The following PPP2R2B variants were observed in gnomAD, a reference collection of about 807,000 sequenced individuals.
PPP2R2B encodes the protein serine/threonine-protein phosphatase 2A 55 kDa regulatory subunit B beta isoform.
Under a neutral mutation model 46.0 loss-of-function variants are expected in PPP2R2B, and 5 were observed. The observed-to-expected ratio is 0.11, with a 90% CI of 0.06 to 0.23. PPP2R2B has a LOEUF of 0.23. Ranked by LOEUF, PPP2R2B falls within the 10% of genes least tolerant of loss-of-function variation. PPP2R2B has a pLI of 1.00. For synonymous variants in PPP2R2B, 215 were observed against 206.7 expected (o/e 1.04, Z -0.34); for missense variants, 367 against 575.0 (o/e 0.64, Z 3.70).
intron 1 of PPP2R2B, among the ~76,000 whole-genome samples, chr5:146,904,641 G>A (rs180939888): frequency 6.6e-6 from 1 of 152,308 alleles, no homozygotes; most frequent in East Asian, 1.9e-4. Flanking sequence ...ACTGGCTGAA[G>A]ACATCTGCTT....
intron 6 of PPP2R2B, among the ~76,000 whole-genome samples, chr5:146,650,109 G>A (rs1292179739): frequency 6.6e-6 from 1 of 152,100 alleles, no homozygotes; most frequent in African/African-American, 2.4e-5. Context: ...CATTGCAAGT[G>A]CTTGGAACTC....
chr5:146,627,829 CT>C (rs1196296208), intron 7 of PPP2R2B, among the ~76,000 whole-genome samples: 1 of 152,164 alleles, frequency 6.6e-6, no homozygotes, highest in Non-Finnish European at 1.5e-5. Context: ...CTACACCCAC[CT>C]TTGGAGGACA....
At chr5:146,839,135 C>T (rs1218010646) in intron 2 of PPP2R2B, among the ~76,000 whole-genome samples, 1 of 152,148 alleles carries the variant, frequency 6.6e-6, no homozygotes, top group Admixed American at 6.5e-5. Context: ...ATGTGCCTAC[C>T]TAGTCTATTC....
chr5:146,682,588 A>C (rs1281076359), intron 5 of PPP2R2B, among the ~76,000 whole-genome samples: 4 of 152,186 alleles, frequency 2.6e-5, no homozygotes, highest in African/African-American at 7.2e-5. Flanking sequence ...CAAAATGGGA[A>C]TAACAGTAGT....
chr5:146,792,843 T>C (rs1468622172), intron 2 of PPP2R2B, among the ~76,000 whole-genome samples: 1 of 152,070 alleles, frequency 6.6e-6, no homozygotes, highest in Non-Finnish European at 1.5e-5. Flanking sequence ...GAAGGACAGA[T>C]GATGTAGGGT....
chr5:146,822,614 T>G (rs1758338233), intron 2 of PPP2R2B, among the ~76,000 whole-genome samples: 1 of 151,102 alleles, frequency 6.6e-6, no homozygotes, highest in East Asian at 2.0e-4. Context: ...CCACCCACTC[T>G]CTATATCCTT....
At chr5:146,684,757 T>C (rs1407882165) in intron 5 of PPP2R2B, among the ~76,000 whole-genome samples, 1 of 152,190 alleles carries the variant, frequency 6.6e-6, no homozygotes, top group Non-Finnish European at 1.5e-5. Flanking sequence ...ACAGTTATCC[T>C]TCTCCATGAT....
chr5:146,685,467 C>T (rs1011303822), intron 5 of PPP2R2B, among the ~76,000 whole-genome samples: 1 of 152,242 alleles, frequency 6.6e-6, no homozygotes, highest in Non-Finnish European at 1.5e-5. Context: ...TCTGTTTAAT[C>T]AGTTCTCTAG....
intron 2 of PPP2R2B, among the ~76,000 whole-genome samples, chr5:146,845,451 C>T (rs1561953724): frequency 6.6e-6 from 1 of 151,928 alleles, no homozygotes; most frequent in Admixed American, 6.6e-5. Context: ...GACGGGGTTT[C>T]ACCGTGTTAG....
intron 1 of PPP2R2B, among the ~76,000 whole-genome samples, chr5:146,888,735 C>A (rs79791367): frequency 6.6e-6 from 1 of 152,114 alleles, no homozygotes; most frequent in Non-Finnish European, 1.5e-5. Flanking sequence ...ACCACCACTC[C>A]CTATAGACAT....
rs1481576743 is a variant in PPP2R2B at position 146,587,629 on chromosome 5, T to TA, written c.*2317_*2318insT. Reference sequence around the variant, plus strand: ...TTGATGCCCCTAAGGGCATAAATCTTCTGTCATATCAGTTACTCAGGGTCC... The same window carrying TA: ...TTGATGCCCCTAAGGGCATAAATCTTACTGTCATATCAGTTACTCAGGGTCC... On this transcript the variant is annotated 3_prime_UTR_variant, in exon 10 of 10. Transcript: ENST00000394411. 2 of 152,218 alleles carry TA rather than the reference T, an allele frequency of 1.3e-5. No individual in the cohort carries two copies. The highest frequency in any genetic ancestry group is 2.9e-5 in the Non-Finnish European group (2 of 68,040). 9.4% of individuals were successfully genotyped at this position (152,218 alleles called of 1,614,324 possible). A position where few individuals can be genotyped will look rare whatever the true frequency, so the allele number is the denominator to read the frequency against.
intron 2 of PPP2R2B, among the ~76,000 whole-genome samples, chr5:146,715,371 G>A (rs1015489149): frequency 2.0e-5 from 3 of 152,184 alleles, no homozygotes; most frequent in African/African-American, 4.8e-5. Context: ...AGACATTACA[G>A]TCTAAGAGAA....
At chr5:146,993,501 C>T (rs1016364856) in intron 1 of PPP2R2B, among the ~76,000 whole-genome samples, 1 of 152,152 alleles carries the variant, frequency 6.6e-6, no homozygotes, top group Non-Finnish European at 1.5e-5. Context: ...CTCAGCCTCC[C>T]AAAGTGCTGG....
At chr5:147,019,251 AC>A (rs1755147393) in intron 1 of PPP2R2B, among the ~76,000 whole-genome samples, 1 of 152,188 alleles carries the variant, frequency 6.6e-6, no homozygotes, top group South Asian at 2.1e-4. Context: ...CTGCTGTTCA[AC>A]AAAGTTACTC....
rs540998615 is a variant in PPP2R2B at position 146,596,243 on chromosome 5, C to G, written c.961-3181G>C. Among the ~76,000 whole-genome samples the G allele has an allele frequency of 1.5e-3, 236 of 152,282 alleles. 1 individual carries two copies. The highest frequency in any genetic ancestry group is 5.5e-3 in the African/African-American group (229 of 41,556). Reference sequence around the variant, plus strand: ...GTTCTATGGAAAAACTTGAAAATAGCTAATCATACTTAAGTCTGCAGCCTT... The same window carrying G: ...GTTCTATGGAAAAACTTGAAAATAGGTAATCATACTTAAGTCTGCAGCCTT... On this transcript the variant is annotated intron_variant, in intron 8 of 9. Coordinates refer to ENST00000394411, the MANE Select transcript of PPP2R2B (RefSeq NM_181675.4).
intron 1 of PPP2R2B, among the ~76,000 whole-genome samples, chr5:146,929,658 T>TA (rs909495781): frequency 6.6e-6 from 1 of 152,086 alleles, no homozygotes; most frequent in Non-Finnish European, 1.5e-5. Context: ...TTTTATTATT[T>TA]AAAAAAAGAA....
chr5:147,062,067 G>A (rs1271199146), intron 2 of PPP2R2B, among the ~76,000 whole-genome samples: 2 of 152,144 alleles, frequency 1.3e-5, no homozygotes, highest in Non-Finnish European at 2.9e-5. Flanking sequence ...ACTGTGGACT[G>A]CAAATATGAA....
chr5:146,733,565 T>G (rs1294338166), intron 2 of PPP2R2B, among the ~76,000 whole-genome samples: 1 of 152,208 alleles, frequency 6.6e-6, no homozygotes, highest in African/African-American at 2.4e-5. Flanking sequence ...AGAGAGAAGA[T>G]GACAGGATAC....
chr5:147,028,635 G>A (rs1298863084), intron 1 of PPP2R2B, among the ~76,000 whole-genome samples: 1 of 152,078 alleles, frequency 6.6e-6, no homozygotes, highest in Non-Finnish European at 1.5e-5. Context: ...GAACAGTACT[G>A]CTATGAACAT....
Sources: allele counts gnomAD v4.1 joint callset (sites outside exome capture counted in the v4.1 genomes callset), GRCh38; gene constraint gnomAD v4.1.1; transcripts MANE v1.5; gene names NCBI Gene and HGNC (gene_info 2026-07-23, HGNC 2026-07-21).